NLK: variants seen among roughly 807,000 people sequenced by gnomAD.
NLK encodes the protein nemo like kinase.
Under a neutral mutation model 59.0 loss-of-function variants are expected in NLK, and 11 were observed. The ratio of observed to expected loss-of-function variants is 0.19; its 90% confidence interval spans 0.12 to 0.31. NLK has a LOEUF of 0.31. Among genes scored for constraint, NLK ranks in the 10% least tolerant of loss-of-function variants. NLK has a pLI of 1.00. For synonymous variants in NLK, 235 were observed against 235.9 expected (o/e 1.00, Z 0.03); for missense variants, 410 against 661.1 (o/e 0.62, Z 4.16).
At chr17:28,136,156 T>A (rs569790492) in intron 3 of NLK, among the ~76,000 whole-genome samples, 9 of 152,348 alleles carry the variant, frequency 5.9e-5, no homozygotes, top group African/African-American at 1.4e-4. Context: ...TTTACTTAAA[T>A]GTTTTATTTT....
In NLK at chr17:28,194,607, A is replaced by T; in HGVS notation, c.1555A>T (p.Met519Leu). ...TTCCACTGTTGCTCAGCCATCTGAG[A>T]TGCCCCCATCTCCTCTGGTGTGGGA... ...ISSTVAQPSE[M>L]PPSPLVWE Residue 519 changes from methionine (M) to leucine (L), a missense_variant, in exon 11 of 11, where the codon ATG (methionine) becomes TTG (leucine). By Grantham distance (15) the Met-to-Leu change is conservative. Coordinates refer to ENST00000407008, the MANE Select transcript of NLK (RefSeq NM_016231.5). 1 of 1,599,594 alleles carries T rather than the reference A, an allele frequency of 6.3e-7. No homozygotes were observed. The highest frequency in any genetic ancestry group is 8.6e-7 in the Non-Finnish European group (1 of 1,168,924).
chr17:28,057,476 G>A (rs994992260), intron 1 of NLK, among the ~76,000 whole-genome samples: 7 of 152,164 alleles, frequency 4.6e-5, no homozygotes, highest in African/African-American at 1.7e-4. Flanking sequence ...ACAAAATTCA[G>A]TGTAAATCAA....
At chr17:28,050,325 G>A (rs1909204178) in intron 1 of NLK, among the ~76,000 whole-genome samples, 1 of 152,188 alleles carries the variant, frequency 6.6e-6, no homozygotes, top group African/African-American at 2.4e-5. Context: ...GATGCTGAAT[G>A]TGCAGTGCAG....
At chr17:28,116,502 ATTG>A (rs1199560434) in intron 1 of NLK, 1 of 152,256 alleles carries the variant, frequency 6.6e-6, no homozygotes, top group Non-Finnish European at 1.5e-5. Flanking sequence ...CTTCAAGCAT[ATTG>A]TTCACATTTT....
At chr17:28,065,456 T>G (rs1909795419) in intron 1 of NLK, among the ~76,000 whole-genome samples, 1 of 152,154 alleles carries the variant, frequency 6.6e-6, no homozygotes. Context: ...CGCTAAGAGA[T>G]GAGAACAAGA....
chr17:28,161,874 T>C (rs1024819612), intron 4 of NLK, among the ~76,000 whole-genome samples: 3 of 152,184 alleles, frequency 2.0e-5, no homozygotes, highest in African/African-American at 7.2e-5. Flanking sequence ...ATGAGAATTT[T>C]GCCATTACAA....
intron 3 of NLK, among the ~76,000 whole-genome samples, chr17:28,149,164 T>C (rs1907379749): frequency 6.6e-6 from 1 of 152,184 alleles, no homozygotes; most frequent in African/African-American, 2.4e-5. Flanking sequence ...GGGCTTAAAC[T>C]TAAAATCCTT....
intron 1 of NLK, chr17:28,048,385 A>G (rs1478244351): frequency 6.4e-6 from 1 of 156,844 alleles, no homozygotes; most frequent in Non-Finnish European, 1.4e-5. Context: ...ATTTAGAAAA[A>G]AAGACAGTTT....
intron 1 of NLK, among the ~76,000 whole-genome samples, chr17:28,068,663 T>G (rs987856393): frequency 6.6e-6 from 1 of 152,182 alleles, no homozygotes; most frequent in Non-Finnish European, 1.5e-5. Context: ...GTTTGCTAAT[T>G]GTATTTTAAT....
chr17:28,113,253 A>T (rs1231626117), intron 1 of NLK, among the ~76,000 whole-genome samples: 1 of 152,188 alleles, frequency 6.6e-6, no homozygotes, highest in Non-Finnish European at 1.5e-5. Flanking sequence ...ACAGGACATC[A>T]CCAGTACCCA....
chr17:28,179,872 G>GTTTTTTTTTTTTTTTTTTTTTTTTT (rs34411493), intron 7 of NLK, among the ~76,000 whole-genome samples: 6 of 79,412 alleles, frequency 7.6e-5, no homozygotes, highest in Admixed American at 1.5e-4. Flanking sequence ...AGCATTCTTG[G>GTTTTTTTTTTTTTTTTTTTTTTTTT]TTTTTTTTTT....
chr17:28,134,596 T>A (rs2142023572), intron 3 of NLK, among the ~76,000 whole-genome samples: 1 of 152,324 alleles, frequency 6.6e-6, no homozygotes, highest in Non-Finnish European at 1.5e-5. Context: ...CCTCCAAGGG[T>A]CCTGGAACCA....
chr17:28,099,263 T>C (rs563489427), intron 1 of NLK, among the ~76,000 whole-genome samples: 1 of 152,170 alleles, frequency 6.6e-6, no homozygotes, highest in African/African-American at 2.4e-5. Context: ...GTTCCTTTTT[T>C]AAAATTAAGA....
chr17:28,142,018 A>G (rs917058288), intron 3 of NLK, among the ~76,000 whole-genome samples: 4 of 152,178 alleles, frequency 2.6e-5, no homozygotes, highest in Non-Finnish European at 5.9e-5. Flanking sequence ...ACAGACACAG[A>G]GCTTGCCTTG....
chr17:28,155,371 G>T (rs1169837181), intron 3 of NLK, among the ~76,000 whole-genome samples: 1 of 152,162 alleles, frequency 6.6e-6, no homozygotes, highest in African/African-American at 2.4e-5. Flanking sequence ...AGACAGTGTG[G>T]CGATTCCTCA....
At chr17:28,088,454 T>C (rs1451961358) in intron 1 of NLK, among the ~76,000 whole-genome samples, 1 of 152,186 alleles carries the variant, frequency 6.6e-6, no homozygotes, top group Non-Finnish European at 1.5e-5. Flanking sequence ...GTAGGTACGG[T>C]TTCTATAAAT....
At position 28,184,686 on chromosome 17, in the gene NLK, G is replaced by A. The variant is rs556156945; in HGVS notation, c.1150-493G>A. On this transcript the variant is annotated intron_variant, in intron 7 of 10. Transcript: ENST00000407008. ...TACGGGGATGGACGTGGTGGCTCAC[G>A]CCTGTAATCCCAGCACTTTGGGAGG... Among the ~76,000 whole-genome samples the A allele has an allele frequency of 2.5e-3, 385 of 152,298 alleles. 5 individuals are homozygous for A. The highest frequency in any genetic ancestry group is 8.5e-3 in the African/African-American group (354 of 41,562).
intron 1 of NLK, among the ~76,000 whole-genome samples, chr17:28,087,381 AT>A (rs1191963384): frequency 1.3e-5 from 2 of 152,210 alleles, no homozygotes; most frequent in African/African-American, 4.8e-5. Flanking sequence ...GGTGAGAAAG[AT>A]TTGGTTCTAG....
intron 1 of NLK, among the ~76,000 whole-genome samples, chr17:28,046,161 T>C (rs1407540245): frequency 6.6e-6 from 1 of 152,212 alleles, no homozygotes; most frequent in Non-Finnish European, 1.5e-5. Context: ...AGGAGAGATA[T>C]TTGTAGAAGT....
Sources: allele counts gnomAD v4.1 joint callset (sites outside exome capture counted in the v4.1 genomes callset), GRCh38; gene constraint gnomAD v4.1.1; transcripts MANE v1.5; gene names NCBI Gene and HGNC (gene_info 2026-07-23, HGNC 2026-07-21).